XPNPEP2: variants seen among roughly 807,000 people sequenced by gnomAD.
The protein encoded by XPNPEP2 is xaa-Pro aminopeptidase 2.
Under a neutral mutation model 59.8 loss-of-function variants are expected in XPNPEP2, and 64 were observed. The observed-to-expected ratio is 1.07, with a 90% confidence interval of 0.87 to 1.32. The LOEUF (loss-of-function observed/expected upper bound fraction) is 1.32, where lower values mean the gene tolerates loss of function less well. Ranked by LOEUF, XPNPEP2 falls within the 40% of genes most tolerant of loss-of-function variation. The pLI, the probability that XPNPEP2 is intolerant of heterozygous loss-of-function variation, is 0.00. For missense variants in XPNPEP2, 575 were observed against 546.8 expected, an observed-to-expected ratio of 1.05 and a Z score of -0.51; for synonymous variants, 235 against 210.0, an observed-to-expected ratio of 1.12 and a Z score of -1.03.
chrX:129,751,591 AAAGAAAGGAAGGAAGGAAGGAAGGAAGG>A lies in XPNPEP2; in HGVS notation c.740-150_740-123del, dbSNP rs1204265148. ...GAAAGAAAGAAAGAAAGAAAGAAAG[AAAGAAAGGAAGGAAGGAAGGAAGGAAGG>A]AAGGAAGGAAGGAAGGAAGGAAGGG... On this transcript the variant is annotated intron_variant, in intron 8 of 20. Transcript: ENST00000371106. 7.7e-3 allele frequency among the ~76,000 whole-genome samples: 423 copies of A among 54,648 alleles called. 2 individuals carry two copies. Among genetic ancestry groups the A allele is most frequent in the East Asian group, 0.021 (28 of 1,349 alleles). 47.5% of individuals were successfully genotyped at this position (54,648 alleles called of 115,157 possible). A position where few individuals can be genotyped will look rare whatever the true frequency, so the allele number is the denominator to read the frequency against.
chrX:129,759,301 A>G, intron 15 of XPNPEP2, 61 bp downstream of exon 15: 1 of 1,171,409 alleles, frequency 8.5e-7, no homozygotes, highest in Non-Finnish European at 1.2e-6. Flanking sequence ...CAAGCAGTCA[A>G]GATCCCTTCC....
chrX:129,762,096 C>T (rs879159528), intron 18 of XPNPEP2, 31 bp downstream of exon 18: 2 of 1,196,596 alleles, frequency 1.7e-6, no homozygotes, highest in East Asian at 3.0e-5. Context: ...TACCTCACCA[C>T]CCCATCCCAG....
chrX:129,763,727 A>G (rs901661764), intron 19 of XPNPEP2, among the ~76,000 whole-genome samples: 2 of 111,510 alleles, frequency 1.8e-5, no homozygotes, highest in Non-Finnish European at 3.8e-5. Flanking sequence ...AAACTACCAT[A>G]ACTAAAACAG....
chrX:129,753,108 C>T, intron 10 of XPNPEP2, 51 bp from the exon 11 acceptor site: 1 of 1,064,596 alleles, frequency 9.4e-7, no homozygotes, highest in East Asian at 3.0e-5. Flanking sequence ...CTTTACTGTG[C>T]CCCCAGACCT....
At position 129,742,201 on chromosome X, in the gene XPNPEP2, C is replaced by G; in HGVS notation, c.123+20C>G. The G allele has an allele frequency of 1.0e-6, 1 of 957,015 alleles. No individual in the cohort carries two copies. The highest frequency in any genetic ancestry group is 2.1e-5 in the South Asian group (1 of 46,896). The allele number at this position is 957,015 out of a possible 1,213,427, so 78.9% of individuals were successfully genotyped here. A position where few individuals can be genotyped will look rare whatever the true frequency, so the allele number is the denominator to read the frequency against. ...CCCCCTGTGAGTGCCCCCTGCCCCC[C>G]GCGCACGGCCCCCCTGGCCCCACGC... On this transcript the variant is annotated intron_variant, in intron 2 of 20. Coordinates refer to ENST00000371106, the MANE Select transcript of XPNPEP2 (RefSeq NM_003399.6).
At chrX:129,751,562 GAAA>G (rs1569476524) in intron 8 of XPNPEP2, among the ~76,000 whole-genome samples, 180 bp from the exon 9 acceptor site, 34 of 60,939 alleles carry the variant, frequency 5.6e-4, no homozygotes, top group African/African-American at 2.1e-3. Context: ...AAGAAAGAAA[GAAA>G]GAAAGAAAGA....
At chrX:129,748,097 T>C (rs948016522) in intron 7 of XPNPEP2, among the ~76,000 whole-genome samples, 1 of 112,107 alleles carries the variant, frequency 8.9e-6, no homozygotes, top group Admixed American at 9.4e-5. Flanking sequence ...CATGATATGA[T>C]TTGCTTGCCT....
Position 129,762,064 on chromosome X carries a change from T to C in XPNPEP2, c.1662T>C (p.Ile554=). 1 of 1,211,255 alleles carries C rather than the reference T, an allele frequency of 8.3e-7. No individual in the cohort carries two copies. The highest frequency in any genetic ancestry group is 1.7e-5 in the African/African-American group (1 of 57,802). The change falls in exon 18 of 21, where the codon ATT becomes ATC. Residue 554 remains isoleucine (I), a splice_region_variant and synonymous_variant. Coordinates refer to ENST00000371106, the MANE Select transcript of XPNPEP2 (RefSeq NM_003399.6). ...IAMAKGMFTS[I]EPGYYKDGEF... Reference sequence around the variant, plus strand: ...TGGCCAAGGGCATGTTCACTTCCATTGGTATGGCCCTCAGGCCCCTCTACC... The same window carrying C: ...TGGCCAAGGGCATGTTCACTTCCATCGGTATGGCCCTCAGGCCCCTCTACC...
At chrX:129,766,199 T>C (rs1926748928) in intron 19 of XPNPEP2, among the ~76,000 whole-genome samples, 1 of 112,270 alleles carries the variant, frequency 8.9e-6, no homozygotes, top group African/African-American at 3.2e-5. Flanking sequence ...CTGTTTAGTT[T>C]AGTCAGAGTT....
intron 1 of XPNPEP2, among the ~76,000 whole-genome samples, chrX:129,740,944 A>T (rs1366386112): frequency 1.9e-5 from 2 of 108,032 alleles, no homozygotes; most frequent in Non-Finnish European, 3.8e-5. Context: ...TGTCTCAAAA[A>T]AAAAAAAAAG....
At chrX:129,761,949 A>C in intron 17 of XPNPEP2, 57 bp from the exon 18 acceptor site, 1 of 1,145,676 alleles carries the variant, frequency 8.7e-7, no homozygotes, top group South Asian at 1.8e-5. Context: ...GAAGCTGCTC[A>C]CTTCCAAGCT....
intron 14 of XPNPEP2, among the ~76,000 whole-genome samples, chrX:129,757,839 GAAAGAAAGAAAGAAAGAAA>G (rs1926562752): frequency 1.2e-5 from 1 of 82,521 alleles, no homozygotes; most frequent in Admixed American, 1.4e-4. Flanking sequence ...AAGAAAGAAA[GAAAGAAAGAAAGAAAGAAA>G]GAGGGAGAGA....
chrX:129,764,738 C>T (rs1013573600), intron 19 of XPNPEP2, among the ~76,000 whole-genome samples: 6 of 108,812 alleles, frequency 5.5e-5, no homozygotes, highest in East Asian at 2.9e-4. Context: ...CAGAAGTCAG[C>T]GGATCACTTG....
intron 7 of XPNPEP2, among the ~76,000 whole-genome samples, chrX:129,748,988 A>G (rs1357297465): frequency 8.9e-6 from 1 of 111,844 alleles, no homozygotes. Context: ...TTTAAAGGAG[A>G]AAGGAGAGTG....
chrX:129,742,168 C>T lies in XPNPEP2; in HGVS notation c.110C>T (p.Ser37Phe). 1 of 1,203,057 alleles carries T rather than the reference C, an allele frequency of 8.3e-7. No individual in the cohort carries two copies. The change falls in exon 2 of 21, where the codon TCC becomes TTC. Residue 37 changes from serine (S) to phenylalanine (F), a missense_variant. Coordinates refer to ENST00000371106, the MANE Select transcript of XPNPEP2 (RefSeq NM_003399.6). Reference sequence around the variant, plus strand: ...GGAGGGCAGGATGTGAGAAACTGTTCCACCAACCCCCCTGTGAGTGCCCCC... The same window carrying T: ...GGAGGGCAGGATGTGAGAAACTGTTTCACCAACCCCCCTGTGAGTGCCCCC... ...DLGGQDVRNC[S>F]TNPPYLPVTV...
In XPNPEP2 at chrX:129,755,315, A is replaced by G; in HGVS notation, c.1239A>G (p.Gly413=). Residue 413 remains glycine, a synonymous_variant, in exon 13 of 21, where the codon GGA becomes GGG. Transcript: ENST00000371106. The part of the protein sequence containing the change: ...KFRGEEQFSS[G]PSFETISASG... ...CCAGAGAAGAACAGTTCTCCTCCGG[A>G]CCCAGTTTTGAAACCATCTCTGCTA... The G allele has an allele frequency of 8.3e-7, 1 of 1,211,645 alleles. No individual in the cohort carries two copies. The highest frequency in any genetic ancestry group is 1.1e-6 in the Non-Finnish European group (1 of 895,397).
At chrX:129,757,879 GAGAGAGAGAGAGAGAGAA>G (rs1156631504) in intron 14 of XPNPEP2, among the ~76,000 whole-genome samples, 3 of 72,509 alleles carry the variant, frequency 4.1e-5, no homozygotes, top group African/African-American at 2.4e-4. Flanking sequence ...GAGAAAGAGA[GAGAGAGAGAGAGAGAGAA>G]AGAAAGAAAG....
At chrX:129,742,244 C>G (rs749068494) in intron 2 of XPNPEP2, 63 bp downstream of exon 2, 1 of 647,795 alleles carries the variant, frequency 1.5e-6, no homozygotes, top group East Asian at 4.1e-5. Context: ...CACCCCTGCC[C>G]CACGCACCCC....
At chrX:129,751,973 T>C in intron 9 of XPNPEP2, 147 bp downstream of exon 9, 1 of 806,971 alleles carries the variant, frequency 1.2e-6, no homozygotes, top group Non-Finnish European at 1.8e-6. Flanking sequence ...GAAAACCCCC[T>C]GTTGTCTTTT....
Sources: gnomAD v4.1 joint callset for allele counts (sites outside exome capture counted in the v4.1 genomes callset) on GRCh38, gnomAD v4.1.1 for gene constraint, MANE v1.5 for transcripts, NCBI Gene and HGNC (gene_info 2026-07-23, HGNC 2026-07-21) for gene names.